PCDH7: variants seen among roughly 807,000 people sequenced by gnomAD.
The protein encoded by PCDH7 is protocadherin 7.
In PCDH7, 17 loss-of-function variants were observed where a neutral mutation model predicts 58.9. The observed-to-expected ratio is 0.29, with a 90% confidence interval of 0.20 to 0.43. The LOEUF is 0.43. Among genes scored for constraint, PCDH7 ranks in the 20% least tolerant of loss-of-function variants. The pLI is 1.00. For missense variants in PCDH7, 1,274 were observed against 1,441.0 expected (o/e 0.88, Z 1.88); for synonymous variants, 664 against 616.4 (o/e 1.08, Z -1.14).
intron 3 of PCDH7, among the ~76,000 whole-genome samples, chr4:30,995,369 G>T (rs1433694632): frequency 1.3e-5 from 2 of 152,032 alleles, no homozygotes; most frequent in Non-Finnish European, 2.9e-5. Context: ...AAAATTAGCT[G>T]GGCGTGGTGG....
chr4:30,964,191 A>G (rs2109463758), intron 3 of PCDH7, among the ~76,000 whole-genome samples: 1 of 152,022 alleles, frequency 6.6e-6, no homozygotes, highest in African/African-American at 2.4e-5. Context: ...GGGAAGTGAT[A>G]GGGTATATTA....
chr4:30,802,389 G>T (rs577143866), intron 1 of PCDH7, among the ~76,000 whole-genome samples: 1 of 151,990 alleles, frequency 6.6e-6, no homozygotes, highest in African/African-American at 2.4e-5. Context: ...AGAGCAGTTC[G>T]GCAGTGGAAG....
chr4:31,017,867 G>A (rs947089047), intron 3 of PCDH7, among the ~76,000 whole-genome samples: 7 of 152,080 alleles, frequency 4.6e-5, no homozygotes, highest in African/African-American at 1.7e-4. Context: ...GCATTCAAGT[G>A]GCATTACTAA....
intron 1 of PCDH7, among the ~76,000 whole-genome samples, chr4:30,811,995 C>T (rs939776242): frequency 1.3e-5 from 2 of 152,088 alleles, no homozygotes; most frequent in Admixed American, 6.6e-5. Flanking sequence ...AGACGCGGTC[C>T]TCAAATGAAA....
chr4:30,870,656 C>T (rs531551323), intron 1 of PCDH7, among the ~76,000 whole-genome samples: 9 of 152,190 alleles, frequency 5.9e-5, no homozygotes, highest in Admixed American at 2.6e-4. Context: ...CCAGGAAGTG[C>T]GAAAATAGCA....
intron 1 of PCDH7, among the ~76,000 whole-genome samples, chr4:30,831,768 A>T (rs1729815024): frequency 6.6e-6 from 1 of 151,888 alleles, no homozygotes; most frequent in South Asian, 2.1e-4. Context: ...ACAGAATCTC[A>T]TCTGTAAAAT....
chr4:31,083,038 G>A (rs957652752), intron 3 of PCDH7, among the ~76,000 whole-genome samples: 1 of 152,182 alleles, frequency 6.6e-6, no homozygotes, highest in Admixed American at 6.5e-5. Context: ...AACCTGGGAG[G>A]TGGAGCTTGC....
chr4:30,846,982 G>A (rs1382909028), intron 1 of PCDH7, among the ~76,000 whole-genome samples: 3 of 151,912 alleles, frequency 2.0e-5, no homozygotes, highest in Non-Finnish European at 4.4e-5. Context: ...AATTAGCTGG[G>A]CATGGTGGCA....
chr4:31,085,637 C>T (rs1712310659), intron 3 of PCDH7, among the ~76,000 whole-genome samples: 1 of 152,098 alleles, frequency 6.6e-6, no homozygotes, highest in Non-Finnish European at 1.5e-5. Flanking sequence ...AGTTTCACTT[C>T]CAACACTAGA....
rs73812529 is a variant in PCDH7, at chr4:31,096,517, T to C, written c.*8-45956T>C. The stretch of plus-strand genomic sequence containing the variant: ...AAGGGTAGCAAATTTAGAGTTTCTT[T>C]TTGTAGCATGTAATCAACCTGTGGG... On this transcript the variant is annotated intron_variant, in intron 3 of 3. Coordinates refer to the PCDH7 transcript ENST00000509759. Among the ~76,000 whole-genome samples, 1,132 of 152,266 alleles carry C rather than the reference T, an allele frequency of 7.4e-3. 16 individuals carry two copies. The highest frequency in any genetic ancestry group is 0.026 in the African/African-American group (1,088 of 41,550).
At chr4:30,983,772 C>A (rs1578485972) in intron 3 of PCDH7, among the ~76,000 whole-genome samples, 1 of 152,082 alleles carries the variant, frequency 6.6e-6, no homozygotes, top group East Asian at 1.9e-4. Flanking sequence ...GTGGATATGC[C>A]AAAGTCAGAA....
chr4:30,784,853 T>C (rs1723205545), intron 1 of PCDH7, among the ~76,000 whole-genome samples: 1 of 152,012 alleles, frequency 6.6e-6, no homozygotes, highest in South Asian at 2.1e-4. Flanking sequence ...TTGAAAGAGG[T>C]GTATTCCACA....
intron 1 of PCDH7, among the ~76,000 whole-genome samples, chr4:30,913,181 T>C (rs6819406): frequency 0.69 from 105,155 of 151,390 alleles, 36,785 homozygotes; most frequent in African/African-American, 0.79. Flanking sequence ...TAATATAATA[T>C]TGATAACATT....
intron 1 of PCDH7, among the ~76,000 whole-genome samples, chr4:30,835,566 T>G (rs1054162614): frequency 6.6e-6 from 1 of 152,000 alleles, no homozygotes; most frequent in African/African-American, 2.4e-5. Context: ...AGCTGAGAGA[T>G]CCAATCATAT....
chr4:30,844,262 C>T (rs1466826291), intron 1 of PCDH7, among the ~76,000 whole-genome samples: 2 of 152,140 alleles, frequency 1.3e-5, no homozygotes, highest in African/African-American at 4.8e-5. Context: ...TTTCCTGTGT[C>T]ATGTAATGTT....
intron 3 of PCDH7, among the ~76,000 whole-genome samples, chr4:31,133,177 G>A (rs1233797043): frequency 6.6e-6 from 1 of 152,132 alleles, no homozygotes; most frequent in Non-Finnish European, 1.5e-5. Flanking sequence ...AAAAGGTCTA[G>A]GTGTGAAAAC....
Position 31,032,865 on chromosome 4 carries a change from G to A in PCDH7, c.*7+82650G>A, listed in dbSNP as rs151326459. Among the ~76,000 whole-genome samples the A allele has an allele frequency of 4.6e-3, 703 of 152,250 alleles. 4 individuals carry two copies. The highest frequency in any genetic ancestry group is 0.016 in the African/African-American group (670 of 41,550). On this transcript the variant is annotated intron_variant, in intron 3 of 3. Coordinates refer to the PCDH7 transcript ENST00000509759. ...TGTCATGAAATGATGTTTTATCTTA[G>A]AATCTATTAATGGACAGTTAGGGAA... is the stretch of plus-strand genomic sequence containing the variant.
At chr4:31,038,773 T>C (rs939340409) in intron 3 of PCDH7, among the ~76,000 whole-genome samples, 1 of 152,160 alleles carries the variant, frequency 6.6e-6, no homozygotes, top group African/African-American at 2.4e-5. Flanking sequence ...ATTCTTCTAT[T>C]GATGGACATT....
At chr4:30,915,201 CTT>C (rs1393074952) in intron 1 of PCDH7, among the ~76,000 whole-genome samples, 5 of 152,102 alleles carry the variant, frequency 3.3e-5, no homozygotes, top group African/African-American at 1.2e-4. Context: ...TTACAGAAAT[CTT>C]TGTTTTAACT....
Sources: allele counts gnomAD v4.1 joint callset (sites outside exome capture counted in the v4.1 genomes callset), GRCh38; gene constraint gnomAD v4.1.1; transcripts MANE v1.5; gene names NCBI Gene and HGNC (gene_info 2026-07-23, HGNC 2026-07-21).